LPCAT1: variants seen among roughly 807,000 people sequenced by gnomAD.
LPCAT1 encodes the protein lysophosphatidylcholine acyltransferase 1, also known as 1-acylglycerol-3-phosphate O-acyltransferase.
LPCAT1 carries 23 observed loss-of-function variants against 60.9 expected under a neutral mutation model. That is an observed-to-expected ratio of 0.38 (90% CI 0.27 to 0.53). LPCAT1 has a LOEUF of 0.53. LPCAT1 is among the 20% of genes least tolerant of loss of function. The pLI, the probability that LPCAT1 is intolerant of heterozygous loss-of-function variation, is 0.82. For synonymous variants in LPCAT1, 340 were observed against 301.1 expected, an observed-to-expected ratio of 1.13 and a Z score of -1.34; for missense variants, 622 against 723.6, an observed-to-expected ratio of 0.86 and a Z score of 1.61.
Position 1,481,897 on chromosome 5 carries a change from G to A in LPCAT1, c.727-921C>T, listed in dbSNP as rs1468655580. ...CAGCTCTCCGGGCAAAGTGAAGCCCGGCAGGCATCGGACGGGACAGGCCCT... is the reference window on the plus strand; with the variant it reads ...CAGCTCTCCGGGCAAAGTGAAGCCCAGCAGGCATCGGACGGGACAGGCCCT... On this transcript the variant is annotated intron_variant, in intron 6 of 13. Coordinates refer to ENST00000283415, the MANE Select transcript of LPCAT1 (RefSeq NM_024830.5). This position sits in a 1 kb window ranked among gnomAD's most constrained non-coding sequence, Gnocchi z 7.8. Among the ~76,000 whole-genome samples the A allele has an allele frequency of 1.3e-5, 2 of 152,242 alleles. No homozygotes were observed. Among genetic ancestry groups the A allele is most frequent in the East Asian group, 1.9e-4 (1 of 5,196 alleles).
In LPCAT1 at chr5:1,496,858, G is replaced by C. The variant is rs189820049; in HGVS notation, c.279-1944C>G. ...GCACCCACTCACCCCAAGGCAAAGG[G>C]AGCCAGCACAAGCCCAGGGTGCTCA... On this transcript the variant is annotated intron_variant, in intron 2 of 13. Coordinates refer to ENST00000283415, the MANE Select transcript of LPCAT1 (RefSeq NM_024830.5). The surrounding 1 kb of genome is among the most constrained non-coding windows in gnomAD (Gnocchi z 4.7). 6.6e-6 allele frequency among the ~76,000 whole-genome samples: 1 copy of C among 152,196 alleles called. No homozygotes were observed. The highest frequency in any genetic ancestry group is 6.5e-5 in the Admixed American group (1 of 15,286).
chr5:1,515,885 G>C (rs1736493189), intron 1 of LPCAT1, among the ~76,000 whole-genome samples: 1 of 152,144 alleles, frequency 6.6e-6, no homozygotes, highest in South Asian at 2.1e-4. Context: ...CCTCCACCCA[G>C]GACATCCTGC....
At chr5:1,514,371 C>T (rs1256459326) in intron 1 of LPCAT1, among the ~76,000 whole-genome samples, 2 of 152,226 alleles carry the variant, frequency 1.3e-5, no homozygotes, top group African/African-American at 4.8e-5. Flanking sequence ...GGCCTCACAG[C>T]TTCACAGAGC....
chr5:1,463,462 A>T lies in LPCAT1; in HGVS notation c.*189T>A. On this transcript the variant is annotated 3_prime_UTR_variant, in exon 14 of 14. Transcript: ENST00000283415. The stretch of plus-strand genomic sequence containing the variant: ...GCGCGCCCTCCGATTCTCGCACAGT[A>T]AGCGTCGGTTCTGCAACACACTTCA... 1 of 646,914 alleles carries T rather than the reference A, an allele frequency of 1.5e-6. No homozygotes were observed. Among genetic ancestry groups the T allele is most frequent in the Non-Finnish European group, 2.6e-6 (1 of 387,176 alleles). The allele number at this position is 646,914 out of a possible 1,614,324, so 40.1% of individuals were successfully genotyped here. A position where few individuals can be genotyped will look rare whatever the true frequency, so the allele number is the denominator to read the frequency against.
rs1180253768 is a variant in LPCAT1, at chr5:1,523,035, A to G, written c.135+675T>C. 1.3e-5 allele frequency among the ~76,000 whole-genome samples: 2 copies of G among 152,214 alleles called. No individual in the cohort carries two copies. The highest frequency in any genetic ancestry group is 2.9e-5 in the Non-Finnish European group (2 of 68,030). On this transcript the variant is annotated intron_variant, in intron 1 of 13. Coordinates refer to ENST00000283415, the MANE Select transcript of LPCAT1 (RefSeq NM_024830.5). This position sits in a 1 kb window ranked among gnomAD's most constrained non-coding sequence, Gnocchi z 7.1. ...GCATAAAGTTGATTCGGGTCAGACCAGCCCCGAGAAAGCATCCCTTACAAC... is the reference window on the plus strand; with the variant it reads ...GCATAAAGTTGATTCGGGTCAGACCGGCCCCGAGAAAGCATCCCTTACAAC...
intron 3 of LPCAT1, among the ~76,000 whole-genome samples, chr5:1,490,815 A>G (rs911588775): frequency 1.3e-5 from 2 of 152,194 alleles, no homozygotes; most frequent in African/African-American, 4.8e-5. Flanking sequence ...AGACTTTAAA[A>G]TGAAACTATC....
chr5:1,483,278 G>A lies in LPCAT1; in HGVS notation c.726+150C>T, dbSNP rs146836712. 4.4e-6 allele frequency: 4 copies of A among 909,138 alleles called. No homozygotes were observed. The African/African-American group carries it at 4.9e-5, about 11-fold the overall frequency. The allele number at this position is 909,138 out of a possible 1,614,324, so 56.3% of individuals were successfully genotyped here. ...GGCCTGTCCTGCCCTCTCCAGCGCT[G>A]AGGCCGGATGGACTCAGCATGGCCA... On this transcript the variant is annotated intron_variant, in intron 6 of 13. Transcript: ENST00000283415. This position sits in a 1 kb window ranked among gnomAD's most constrained non-coding sequence, Gnocchi z 9.2.
intron 5 of LPCAT1, among the ~76,000 whole-genome samples, chr5:1,486,990 G>A (rs1195589282): frequency 1.3e-5 from 2 of 152,082 alleles, no homozygotes; most frequent in Non-Finnish European, 2.9e-5. Flanking sequence ...GATATGCGTT[G>A]AGAGGTGCTC....
At chr5:1,465,166 G>GCA (rs553637109) in intron 13 of LPCAT1, among the ~76,000 whole-genome samples, 1 of 141,270 alleles carries the variant, frequency 7.1e-6, no homozygotes, top group Non-Finnish European at 1.5e-5. Context: ...AAACATGCAT[G>GCA]CACACACACA....
chr5:1,501,908 T>C (rs895135052), intron 1 of LPCAT1, among the ~76,000 whole-genome samples: 64 of 137,426 alleles, frequency 4.7e-4, no homozygotes, highest in Admixed American at 8.5e-4. Flanking sequence ...GGCTGACCGG[T>C]GCTGACCAAG....
chr5:1,486,987 G>A (rs1025116883), intron 5 of LPCAT1, among the ~76,000 whole-genome samples: 4 of 152,308 alleles, frequency 2.6e-5, no homozygotes, highest in Admixed American at 1.3e-4. Context: ...CGTGATATGC[G>A]TTGAGAGGTG....
chr5:1,512,208 G>A (rs1289847228), intron 1 of LPCAT1, among the ~76,000 whole-genome samples: 2 of 152,192 alleles, frequency 1.3e-5, no homozygotes, highest in Admixed American at 6.5e-5. Context: ...CCCGTGAGTC[G>A]CAGTGGGGCT....
Position 1,494,728 on chromosome 5 carries a change from T to C in LPCAT1, c.465A>G (p.Ala155=). 6.2e-7 allele frequency: 1 copy of C among 1,614,218 alleles called. No individual in the cohort carries two copies. Among genetic ancestry groups the C allele is most frequent in the South Asian group, 1.1e-5 (1 of 91,088 alleles). Residue 155 remains alanine, a synonymous_variant, in exon 3 of 14, where the codon GCA becomes GCG. Transcript: ENST00000283415. ...CCCAGATCGGGATGTCTCTGCTCTC[T>C]GCCTTCATCACGATGGAGGACATCG... ...TMTMSSIVMK[A]ESRDIPIWGT...
chr5:1,506,955 C>A (rs1736204907), intron 1 of LPCAT1, among the ~76,000 whole-genome samples: 1 of 152,232 alleles, frequency 6.6e-6, no homozygotes, highest in Admixed American at 6.5e-5. Context: ...CCCCTTGGCA[C>A]CTTCACCAGA....
At position 1,465,154 on chromosome 5, in the gene LPCAT1, C is replaced by G. The variant is rs558270185; in HGVS notation, c.1421-1319G>C. Among the ~76,000 whole-genome samples, 4 of 137,764 alleles carry G rather than the reference C, an allele frequency of 2.9e-5. No homozygotes were observed. In the South Asian group the frequency reaches 9.5e-4, roughly 33 times the overall value. The allele number at this position is 137,764 out of a possible 152,430, so 90.4% of individuals were successfully genotyped here. A position where few individuals can be genotyped will look rare whatever the true frequency, so the allele number is the denominator to read the frequency against. On this transcript the variant is annotated intron_variant, in intron 13 of 13. Coordinates refer to ENST00000283415, the MANE Select transcript of LPCAT1 (RefSeq NM_024830.5). ...AAACAAGCGCAGGCACACGCGGTAA[C>G]TAAACATGCATGCACACACACAAAA...
At chr5:1,504,186 C>A (rs1479135532) in intron 1 of LPCAT1, among the ~76,000 whole-genome samples, 1 of 152,256 alleles carries the variant, frequency 6.6e-6, no homozygotes, top group Admixed American at 6.5e-5. Context: ...CCCTAAGGAC[C>A]ACCTTGATTT....
In LPCAT1 at chr5:1,485,628, C is replaced by T. The variant is rs184897209; in HGVS notation, c.668-2142G>A. Among the ~76,000 whole-genome samples the T allele has an allele frequency of 1.2e-3, 187 of 152,352 alleles. 1 individual carries two copies. In the South Asian group the frequency reaches 0.025, roughly 21 times the overall value. On this transcript the variant is annotated intron_variant, in intron 5 of 13. Transcript: ENST00000283415. Reference sequence around the variant, plus strand: ...TCACCCCTTATTCACCCTGACCATCCCCCACAGCCCACCCCACAGGAAGAA... The same window carrying T: ...TCACCCCTTATTCACCCTGACCATCTCCCACAGCCCACCCCACAGGAAGAA...
chr5:1,520,860 C>CAAAAAA (rs59074953), intron 1 of LPCAT1, among the ~76,000 whole-genome samples: 162 of 81,434 alleles, frequency 2.0e-3, no homozygotes, highest in Non-Finnish European at 2.7e-3. Flanking sequence ...GAGACTGTCT[C>CAAAAAA]AAAAAAAAAA....
At chr5:1,467,731 G>C (rs970020168) in intron 12 of LPCAT1, among the ~76,000 whole-genome samples, 1 of 151,182 alleles carries the variant, frequency 6.6e-6, no homozygotes, top group South Asian at 2.1e-4. Context: ...CCTGGCCCAC[G>C]GGCTCTGTGG....
Sources: gnomAD v4.1 joint callset for allele counts (sites outside exome capture counted in the v4.1 genomes callset) on GRCh38, gnomAD v4.1.1 for gene constraint, Gnocchi (gnomAD v3.1) non-coding constraint, MANE v1.5 for transcripts, NCBI Gene and HGNC (gene_info 2026-07-23, HGNC 2026-07-21) for gene names.